AP3M1: variants seen among roughly 807,000 people sequenced by gnomAD.
The protein encoded by AP3M1 is AP-3 complex subunit mu-1.
AP3M1 carries 29 observed loss-of-function variants against 42.6 expected under a neutral mutation model. The observed-to-expected ratio is 0.68, with a 90% CI of 0.51 to 0.93. AP3M1 has a LOEUF of 0.93. Ranked by LOEUF, AP3M1 falls within the 40% of genes least tolerant of loss-of-function variation. AP3M1 has a pLI of 0.00. For missense variants in AP3M1, 416 were observed against 510.2 expected (o/e 0.82, Z 1.78); for synonymous variants, 178 against 175.3 (o/e 1.02, Z -0.12).
intron 7 of AP3M1, among the ~76,000 whole-genome samples, chr10:74,125,707 C>A (rs1402428565): frequency 6.6e-6 from 1 of 152,106 alleles, no homozygotes; most frequent in African/African-American, 2.4e-5. Context: ...AGCAACTTTC[C>A]TAGCCCTGTG....
chr10:74,123,446 G>A lies in AP3M1; in HGVS notation c.*364C>T. Reference sequence around the variant, plus strand: ...ATTTGGCTGCACCTGACACATCACAGATTTAAGATAGCTTCTGCTGGATGA... The same window carrying A: ...ATTTGGCTGCACCTGACACATCACAAATTTAAGATAGCTTCTGCTGGATGA... On this transcript the variant is annotated 3_prime_UTR_variant, in exon 9 of 9. Transcript: ENST00000355264. The A allele has an allele frequency of 4.8e-6, 1 of 210,496 alleles. No individual in the cohort carries two copies. Among genetic ancestry groups the A allele is most frequent in the South Asian group, 9.4e-5 (1 of 10,630 alleles). 13.0% of individuals were successfully genotyped at this position (210,496 alleles called of 1,614,324 possible). A position where few individuals can be genotyped will look rare whatever the true frequency, so the allele number is the denominator to read the frequency against.
intron 1 of AP3M1, 66 bp from the exon 2 acceptor site, chr10:74,138,448 T>C (rs1841014715): frequency 7.0e-7 from 1 of 1,423,710 alleles, no homozygotes; most frequent in South Asian, 1.4e-5. Flanking sequence ...CACAAAAAGA[T>C]TATACACCTT....
In AP3M1 at chr10:74,126,113, A is replaced by G. The variant is rs569117623; in HGVS notation, c.1011+35T>C. On this transcript the variant is annotated intron_variant, in intron 7 of 8. Coordinates refer to ENST00000355264, the MANE Select transcript of AP3M1 (RefSeq NM_012095.6). ...CACAAATCACAAAATAGATTGCAGA[A>G]ACACTTGCTCACTCTTGATTTGAAG... 22 of 1,605,958 alleles carry G rather than the reference A, an allele frequency of 1.4e-5. No individual in the cohort carries two copies. In the East Asian group the frequency reaches 4.9e-4, roughly 36 times the overall value.
intron 3 of AP3M1, among the ~76,000 whole-genome samples, chr10:74,136,403 T>G (rs1840944108): frequency 6.6e-6 from 1 of 152,098 alleles, no homozygotes; most frequent in Non-Finnish European, 1.5e-5. Flanking sequence ...ATAATATTGT[T>G]GTGGTGTTTT....
chr10:74,124,667 T>A, intron 7 of AP3M1, 143 bp from the exon 8 acceptor site: 3 of 643,162 alleles, frequency 4.7e-6, no homozygotes, highest in Non-Finnish European at 7.6e-6. Flanking sequence ...CTACAGTGAG[T>A]TTACCTCTGA....
At position 74,124,483 on chromosome 10, in the gene AP3M1, G is replaced by T; in HGVS notation, c.1053C>A (p.Leu351=). The change falls in exon 8 of 9, where the codon CTC becomes CTA. Residue 351 remains leucine (L), a synonymous_variant. Coordinates refer to ENST00000355264, the MANE Select transcript of AP3M1 (RefSeq NM_012095.6). The part of the protein sequence containing the change: ...WDVGKITPQK[L]PSLKGLVNLQ... ...AATTTACCAGTCCTTTAAGACTTGG[G>T]AGCTTTTGTGGAGTAATTTTTCCCA... is the stretch of plus-strand genomic sequence containing the variant. The T allele has an allele frequency of 1.9e-6, 3 of 1,612,112 alleles. No individual in the cohort carries two copies. The highest frequency in any genetic ancestry group is 2.5e-6 in the Non-Finnish European group (3 of 1,179,400).
chr10:74,128,102 A>AC (rs1438878536), intron 6 of AP3M1, among the ~76,000 whole-genome samples: 2 of 132,280 alleles, frequency 1.5e-5, no homozygotes, highest in Non-Finnish European at 3.2e-5. Flanking sequence ...CTCCGGCTTA[A>AC]AAAAAAAAAA....
Position 74,139,451 on chromosome 10 carries a change from T to TA in AP3M1, c.-3-1070dup, listed in dbSNP as rs3037356. On this transcript the variant is annotated intron_variant, in intron 1 of 8. Coordinates refer to ENST00000355264, the MANE Select transcript of AP3M1 (RefSeq NM_012095.6). ...CAACATAGTGAGACCTCATCTCTATTAAAAAAAAAAAAACAAAACAAAACT... is the reference window on the plus strand; with the variant it reads ...CAACATAGTGAGACCTCATCTCTATTAAAAAAAAAAAAAACAAAACAAAACT... Among the ~76,000 whole-genome samples the TA allele has an allele frequency of 1.2e-3, 170 of 146,504 alleles. 4 individuals carry two copies. The highest frequency in any genetic ancestry group is 0.01 in the Middle Eastern group (3 of 290).
chr10:74,134,100 T>A lies in AP3M1; in HGVS notation c.510A>T (p.Ala170=), dbSNP rs767998735. The part of the protein sequence containing the change: ...GQLSNIPWRR[A]GVKYTNNEAY... ...CTTCATTGTTTGTGTACTTTACCCC[T>A]GCCCGACGCCATGGTATGTTGGACA... The change falls in exon 4 of 9, where the codon GCA becomes GCT. Residue 170 remains alanine (A), a synonymous_variant. Coordinates refer to ENST00000355264, the MANE Select transcript of AP3M1 (RefSeq NM_012095.6). 1 of 1,614,200 alleles carries A rather than the reference T, an allele frequency of 6.2e-7. No individual in the cohort carries two copies. Among genetic ancestry groups the A allele is most frequent in the South Asian group, 1.1e-5 (1 of 91,080 alleles).
At position 74,123,912 on chromosome 10, in the gene AP3M1, T is replaced by C; in HGVS notation, c.1157-2A>G. 1 of 1,610,278 alleles carries C rather than the reference T, an allele frequency of 6.2e-7. No individual in the cohort carries two copies. The highest frequency in any genetic ancestry group is 8.5e-7 in the Non-Finnish European group (1 of 1,176,698). On this transcript the variant is annotated splice_acceptor_variant, in intron 8 of 8. Transcript: ENST00000355264. LOFTEE classifies it high-confidence loss of function. ...TGTCCAAACGGTTTACTTTTAAGCC[T>C]GTATCAAAAAGAATGAAAAAGAATA... is the stretch of plus-strand genomic sequence containing the variant.
chr10:74,137,083 T>C (rs965686368), intron 2 of AP3M1, among the ~76,000 whole-genome samples: 3 of 151,958 alleles, frequency 2.0e-5, no homozygotes, highest in Non-Finnish European at 2.9e-5. Flanking sequence ...CTACTAAAAA[T>C]ACAAAAATTA....
intron 1 of AP3M1, among the ~76,000 whole-genome samples, chr10:74,149,282 T>TG: frequency 3.0e-4 from 27 of 88,742 alleles, no homozygotes; most frequent in African/African-American, 1.3e-3. Flanking sequence ...TTTTTTTTTT[T>TG]TTTTTTTTTT....
intron 1 of AP3M1, chr10:74,150,459 C>T (rs1841524392): frequency 6.6e-6 from 1 of 152,394 alleles, no homozygotes; most frequent in Non-Finnish European, 1.5e-5. Context: ...AAGCAGAAAC[C>T]TGGGACTGAG....
At chr10:74,147,942 T>C (rs1841382614) in intron 1 of AP3M1, among the ~76,000 whole-genome samples, 1 of 151,962 alleles carries the variant, frequency 6.6e-6, no homozygotes, top group South Asian at 2.1e-4. Context: ...GAGGTTGCAG[T>C]GAGCCGAGAT....
intron 1 of AP3M1, among the ~76,000 whole-genome samples, chr10:74,147,144 G>A (rs1457226727): frequency 6.6e-6 from 1 of 152,110 alleles, no homozygotes; most frequent in Non-Finnish European, 1.5e-5. Context: ...AATTAGCTGG[G>A]TGTGGTGGTG....
intron 5 of AP3M1, 145 bp downstream of exon 5, chr10:74,129,762 T>A: frequency 1.5e-6 from 1 of 647,308 alleles, no homozygotes; most frequent in South Asian, 2.0e-5. Flanking sequence ...TGTAAGCGAC[T>A]GTCTTAGGAA....
intron 2 of AP3M1, 72 bp from the exon 3 acceptor site, chr10:74,136,875 G>T: frequency 1.9e-6 from 2 of 1,078,762 alleles, no homozygotes; most frequent in Non-Finnish European, 2.6e-6. Context: ...TTTTTGTTCT[G>T]AAGAATAAAC....
chr10:74,134,548 C>T (rs1235019153), intron 3 of AP3M1, among the ~76,000 whole-genome samples: 1 of 152,206 alleles, frequency 6.6e-6, no homozygotes, highest in Non-Finnish European at 1.5e-5. Flanking sequence ...TATAACTAGG[C>T]CCTTCAGTAT....
rs1005034570 is a variant in AP3M1, at chr10:74,122,121, T to C, written c.*1689A>G. 1 of 152,224 alleles carries C rather than the reference T, an allele frequency of 6.6e-6. No homozygotes were observed. The highest frequency in any genetic ancestry group is 1.5e-5 in the Non-Finnish European group (1 of 68,030). 9.4% of individuals were successfully genotyped at this position (152,224 alleles called of 1,614,324 possible). On this transcript the variant is annotated 3_prime_UTR_variant, in exon 9 of 9. Coordinates refer to ENST00000355264, the MANE Select transcript of AP3M1 (RefSeq NM_012095.6). ...CAAACTTAGGCAAAAGGAATAAATA[T>C]TTGGCAACATTTTGACTTTAACTGC...
Sources: allele counts gnomAD v4.1 joint callset (sites outside exome capture counted in the v4.1 genomes callset), GRCh38; gene constraint gnomAD v4.1.1; transcripts MANE v1.5; gene names NCBI Gene and HGNC (gene_info 2026-07-23, HGNC 2026-07-21).